Variants in NTM observed in about 807,000 individuals in gnomAD.
NTM encodes the protein neurotrimin.
In NTM, 13 loss-of-function variants were observed where a neutral mutation model predicts 42.1. That is an observed-to-expected ratio of 0.31 (90% CI 0.20 to 0.49). The LOEUF is 0.49. NTM is among the 20% of genes least tolerant of loss of function. The probability of loss-of-function intolerance (pLI) is 0.99; values close to 1 mark genes in which losing one functional copy is unlikely to be tolerated. For missense variants in NTM, 373 were observed against 452.8 expected (o/e 0.82, Z 1.60); for synonymous variants, 187 against 179.2 (o/e 1.04, Z -0.35).
At chr11:131,606,840 G>A (rs1479818801) in intron 1 of NTM, among the ~76,000 whole-genome samples, 1 of 151,944 alleles carries the variant, frequency 6.6e-6, no homozygotes, top group Admixed American at 6.5e-5. Context: ...TCCTACCCCA[G>A]CACAAAAAAA....
intron 2 of NTM, among the ~76,000 whole-genome samples, chr11:132,066,085 C>A (rs1367921963): frequency 6.6e-6 from 1 of 152,150 alleles, no homozygotes; most frequent in African/African-American, 2.4e-5. Flanking sequence ...CACTAGAATA[C>A]CTCTAACATG....
At chr11:131,387,770 T>C (rs1943501361) in intron 1 of NTM, among the ~76,000 whole-genome samples, 1 of 152,018 alleles carries the variant, frequency 6.6e-6, no homozygotes, top group South Asian at 2.1e-4. Context: ...ATAAAAACAT[T>C]TGTAAAAAGA....
intron 1 of NTM, among the ~76,000 whole-genome samples, chr11:131,391,408 G>A (rs1236655435): frequency 2.0e-5 from 3 of 152,008 alleles, no homozygotes; most frequent in African/African-American, 7.2e-5. Flanking sequence ...TTTCCCACCT[G>A]AGTACTGAGT....
At chr11:131,523,782 CAAAAAA>C (rs3040114) in intron 1 of NTM, among the ~76,000 whole-genome samples, 110 of 72,192 alleles carry the variant, frequency 1.5e-3, no homozygotes, top group African/African-American at 5.1e-3. Context: ...GACTCCATCT[CAAAAAA>C]AAAAAAAAAA....
chr11:131,401,832 A>ATATATATATG (rs1565465543), intron 1 of NTM, among the ~76,000 whole-genome samples: 27 of 82,250 alleles, frequency 3.3e-4, no homozygotes, highest in African/African-American at 1.2e-3. Context: ...ATATATATAT[A>ATATATATATG]TATATATATA....
chr11:131,734,499 A>C (rs1027574349), intron 1 of NTM, among the ~76,000 whole-genome samples: 2 of 152,174 alleles, frequency 1.3e-5, no homozygotes, highest in Admixed American at 6.5e-5. Context: ...TGCTAGGTAG[A>C]GGAACCCAGA....
chr11:131,514,715 A>ACTACAGGTCC (rs2048677925), intron 1 of NTM, among the ~76,000 whole-genome samples: 1 of 152,022 alleles, frequency 6.6e-6, no homozygotes, highest in South Asian at 2.1e-4. Context: ...AGTAGCTGAG[A>ACTACAGGTCC]CTACAGGTCC....
At position 131,991,137 on chromosome 11, in the gene NTM, T is replaced by C. The variant is rs141914822; in HGVS notation, c.167+79489T>C. Among the ~76,000 whole-genome samples the C allele has an allele frequency of 2.3e-3, 345 of 152,334 alleles. 1 individual carries two copies. The highest frequency in any genetic ancestry group is 8.0e-3 in the African/African-American group (331 of 41,582). ...CATTCTAACTACTGAGGAGCTTTTA[T>C]TGAAGAGATGAGTTATCTAATCTTT... On this transcript the variant is annotated intron_variant, in intron 2 of 8. Coordinates refer to ENST00000683400, the MANE Select transcript of NTM (RefSeq NM_001352005.2).
chr11:131,565,753 T>C (rs1387935900), intron 1 of NTM, among the ~76,000 whole-genome samples: 1 of 152,216 alleles, frequency 6.6e-6, no homozygotes, highest in African/African-American at 2.4e-5. Flanking sequence ...CTGTGGGGAC[T>C]CTGCCCCGTG....
At chr11:132,299,140 A>G (rs1184245094) in intron 4 of NTM, among the ~76,000 whole-genome samples, 1 of 152,038 alleles carries the variant, frequency 6.6e-6, no homozygotes, top group Non-Finnish European at 1.5e-5. Flanking sequence ...CTGAAAATAA[A>G]AAAAATTAGC....
chr11:131,570,771 CA>C (rs1261071233), intron 1 of NTM, among the ~76,000 whole-genome samples: 1 of 152,180 alleles, frequency 6.6e-6, no homozygotes, highest in African/African-American at 2.4e-5. Flanking sequence ...TGCAGTGAGC[CA>C]AGATGGCGCC....
chr11:131,849,206 G>GCACTTGTTCC (rs1727384314), intron 1 of NTM, among the ~76,000 whole-genome samples: 2 of 152,172 alleles, frequency 1.3e-5, no homozygotes, highest in Admixed American at 1.3e-4. Context: ...TGTAATTTGA[G>GCACTTGTTCC]CACTTGTTCC....
intron 1 of NTM, among the ~76,000 whole-genome samples, chr11:131,433,103 C>T (rs764382239): frequency 3.9e-5 from 6 of 151,920 alleles, no homozygotes; most frequent in Non-Finnish European, 8.8e-5. Flanking sequence ...GTGATCCCCC[C>T]GTCTCGGCCT....
At chr11:131,677,072 C>T (rs2071556042) in intron 1 of NTM, among the ~76,000 whole-genome samples, 1 of 152,222 alleles carries the variant, frequency 6.6e-6, no homozygotes, top group Non-Finnish European at 1.5e-5. Flanking sequence ...GCAGCTAGAT[C>T]TGCCTCTGGC....
intron 1 of NTM, among the ~76,000 whole-genome samples, chr11:131,789,195 C>A (rs2089772268): frequency 6.6e-6 from 1 of 151,710 alleles, no homozygotes; most frequent in Admixed American, 6.6e-5. Flanking sequence ...GATTCTATTT[C>A]TTTTTCCTTT....
intron 1 of NTM, among the ~76,000 whole-genome samples, chr11:131,894,362 C>T (rs571008679): frequency 3.9e-5 from 6 of 152,262 alleles, no homozygotes; most frequent in African/African-American, 9.6e-5. Context: ...ATATGGGATC[C>T]GCACTGTGGC....
intron 1 of NTM, among the ~76,000 whole-genome samples, chr11:131,440,167 A>G (rs905391424): frequency 6.6e-6 from 1 of 151,900 alleles, no homozygotes; most frequent in African/African-American, 2.4e-5. Context: ...ATCCTCCTAT[A>G]TTTAAAATTA....
chr11:132,248,913 G>A (rs2091582237), intron 4 of NTM, among the ~76,000 whole-genome samples: 2 of 152,186 alleles, frequency 1.3e-5, no homozygotes. Flanking sequence ...CTTTCCCGGG[G>A]GAAATGTCAT....
chr11:131,424,590 C>CTTTTATTTTTTTTTTTTTTTTTTTTTTTT (rs1565486929), intron 1 of NTM, among the ~76,000 whole-genome samples: 1 of 51,652 alleles, frequency 1.9e-5, no homozygotes, highest in Admixed American at 1.9e-4. Flanking sequence ...TTTTTTATTT[C>CTTTTATTTTTTTTTTTTTTTTTTTTTTTT]TTTTCTTTTC....
Sources: gnomAD v4.1 joint callset for allele counts (sites outside exome capture counted in the v4.1 genomes callset) on GRCh38, gnomAD v4.1.1 for gene constraint, MANE v1.5 for transcripts, NCBI Gene and HGNC (gene_info 2026-07-23, HGNC 2026-07-21) for gene names.